Variants in KPNB1 observed in about 807,000 individuals in gnomAD.
KPNB1 encodes the protein karyopherin subunit beta 1.
KPNB1 carries 7 observed loss-of-function variants against 113.0 expected under a neutral mutation model. That is an observed-to-expected ratio of 0.06 (90% confidence interval 0.04 to 0.12). The LOEUF is 0.12. KPNB1 is among the 10% of genes least tolerant of loss of function. The pLI is 1.00. For synonymous variants in KPNB1, 363 were observed against 378.6 expected (o/e 0.96, Z 0.48); for missense variants, 400 against 1,054.8 (o/e 0.38, Z 8.60).
chr17:47,651,291 A>G lies in KPNB1; in HGVS notation c.99+847A>G, dbSNP rs950238385. The G allele has an allele frequency of 5.9e-5, 58 of 985,082 alleles. No individual in the cohort carries two copies. In the African/African-American group the frequency reaches 9.4e-4, roughly 16 times the overall value. The allele number at this position is 985,082 out of a possible 1,614,324, so 61.0% of individuals were successfully genotyped here. Reference sequence around the variant, plus strand: ...GATTGGTTGAAACAGCCTAGATGCCAGTTAAGTTTCTCTTTGGTGTCCATC... The same window carrying G: ...GATTGGTTGAAACAGCCTAGATGCCGGTTAAGTTTCTCTTTGGTGTCCATC... On this transcript the variant is annotated intron_variant, in intron 2 of 21. Transcript: ENST00000290158.
intron 7 of KPNB1, among the ~76,000 whole-genome samples, chr17:47,663,741 T>C (rs1470642273): frequency 6.6e-6 from 1 of 152,090 alleles, no homozygotes; most frequent in Non-Finnish European, 1.5e-5. Context: ...TCCCAGCAGT[T>C]TGGGAGGCTG....
chr17:47,677,288 G>C (rs375786524), intron 17 of KPNB1, among the ~76,000 whole-genome samples, 161 bp downstream of exon 17: 44 of 152,042 alleles, frequency 2.9e-4, no homozygotes, highest in African/African-American at 1.1e-3. Context: ...GGACAACATG[G>C]TGAAACCCCG....
chr17:47,662,750 G>A (rs934739634), intron 6 of KPNB1, among the ~76,000 whole-genome samples: 1 of 151,978 alleles, frequency 6.6e-6, no homozygotes, highest in Non-Finnish European at 1.5e-5. Context: ...GGGCATGGTG[G>A]CGGGCACCTG....
chr17:47,656,525 C>T (rs914753780), intron 3 of KPNB1, among the ~76,000 whole-genome samples: 1 of 149,924 alleles, frequency 6.7e-6, no homozygotes, highest in African/African-American at 2.4e-5. Flanking sequence ...GGACAACTGA[C>T]TGAGGCCTTG....
At chr17:47,650,592 C>T (rs2143073588) in intron 2 of KPNB1, 148 bp downstream of exon 2, 2 of 741,802 alleles carry the variant, frequency 2.7e-6, no homozygotes, top group East Asian at 2.8e-5. Context: ...CAACCCGGTC[C>T]AACCTAACCC....
rs1042373997 is a variant in KPNB1, at chr17:47,649,923, C to T, written c.-322C>T. On this transcript the variant is annotated 5_prime_UTR_variant, in exon 1 of 22. Transcript: ENST00000290158. ...CGCCTTCCTCCCTCCCTCGCTCCCT[C>T]CCTGCGCGCCGCCTCTCACTCACAG... is the stretch of plus-strand genomic sequence containing the variant. The T allele has an allele frequency of 1.7e-5, 22 of 1,279,738 alleles. No homozygotes were observed. The highest frequency in any genetic ancestry group is 2.1e-5 in the Non-Finnish European group (21 of 1,013,948). The allele number at this position is 1,279,738 out of a possible 1,614,324, so 79.3% of individuals were successfully genotyped here.
chr17:47,653,087 T>C (rs1025317895), intron 3 of KPNB1, among the ~76,000 whole-genome samples: 1 of 152,182 alleles, frequency 6.6e-6, no homozygotes, highest in Non-Finnish European at 1.5e-5. Context: ...TTTAGATGAC[T>C]GAGGTAGGCT....
At chr17:47,680,452 A>C in intron 20 of KPNB1, 56 bp from the exon 21 acceptor site, 1 of 1,589,942 alleles carries the variant, frequency 6.3e-7, no homozygotes, top group Non-Finnish European at 8.6e-7. Flanking sequence ...AAGGCTCAAA[A>C]CATTATACTG....
At chr17:47,665,186 T>C (rs1205821770) in intron 9 of KPNB1, 28 bp downstream of exon 9, 1 of 1,548,582 alleles carries the variant, frequency 6.5e-7, no homozygotes, top group African/African-American at 1.4e-5. Context: ...TATAGGTAGG[T>C]AAGCTGTGGA....
chr17:47,652,327 G>C (rs1189561223), intron 2 of KPNB1, among the ~76,000 whole-genome samples: 1 of 152,168 alleles, frequency 6.6e-6, no homozygotes, highest in Non-Finnish European at 1.5e-5. Flanking sequence ...ATTATTAAAA[G>C]TTCTTGGGAC....
intron 8 of KPNB1, 105 bp from the exon 9 acceptor site, chr17:47,664,952 T>C: frequency 3.7e-6 from 3 of 816,836 alleles, no homozygotes; most frequent in Non-Finnish European, 6.3e-6. Context: ...TTTGTCCTTG[T>C]ATGTTTCTGT....
Position 47,678,295 on chromosome 17 carries a change from T to C in KPNB1, c.2248-13T>C, listed in dbSNP as rs138203951. On this transcript the variant is annotated splice_polypyrimidine_tract_variant and intron_variant, in intron 18 of 21. Coordinates refer to ENST00000290158, the MANE Select transcript of KPNB1 (RefSeq NM_002265.6). ...ATCAGTGTGATGTAGGTTCTGTTCT[T>C]TGTGTCTTACAGTCAGACTATGACA... 6.2e-7 allele frequency: 1 copy of C among 1,612,720 alleles called. No individual in the cohort carries two copies.
intron 9 of KPNB1, among the ~76,000 whole-genome samples, chr17:47,667,562 GTTT>G (rs796857460): frequency 7.0e-6 from 1 of 142,782 alleles, no homozygotes; most frequent in African/African-American, 2.6e-5. Context: ...TTAATACTAT[GTTT>G]TTTTTTTTTT....
At chr17:47,664,060 C>T in intron 7 of KPNB1, 99 bp from the exon 8 acceptor site, 1 of 660,480 alleles carries the variant, frequency 1.5e-6, no homozygotes. Flanking sequence ...TTTATAGTTA[C>T]ATTTCTGAAA....
At position 47,670,816 on chromosome 17, in the gene KPNB1, C is replaced by G. The variant is rs1206471768; in HGVS notation, c.1531C>G (p.Leu511Val). The change falls in exon 12 of 22, where the codon CTA becomes GTA. Residue 511 changes from leucine to valine, a missense_variant. Leu to Val is a conservative substitution (Grantham distance 32). Transcript: ENST00000290158. ...ATTTGAACTCATAGTTCAGAAGCTC[C>G]TAGAGACTACAGACAGGTAACTGAT... is the stretch of plus-strand genomic sequence containing the variant. ...SSFELIVQKL[L>V]ETTDRPDGHQ... 1 of 1,608,392 alleles carries G rather than the reference C, an allele frequency of 6.2e-7. No homozygotes were observed. Among genetic ancestry groups the G allele is most frequent in the East Asian group, 2.2e-5 (1 of 44,722 alleles).
chr17:47,657,639 T>C (rs2029946841), intron 4 of KPNB1, among the ~76,000 whole-genome samples: 1 of 152,244 alleles, frequency 6.6e-6, no homozygotes, highest in Non-Finnish European at 1.5e-5. Context: ...TTAAATGCCC[T>C]GAAGCTTTAC....
At chr17:47,661,070 C>T (rs562182561) in intron 5 of KPNB1, 49 bp from the exon 6 acceptor site, 30 of 1,447,812 alleles carry the variant, frequency 2.1e-5, no homozygotes, top group East Asian at 6.8e-5. Context: ...AATCTTCCTA[C>T]GTACAGGTTA....
intron 9 of KPNB1, among the ~76,000 whole-genome samples, chr17:47,666,451 ATTATG>A (rs199911275): frequency 0.026 from 3,697 of 142,726 alleles, 159 homozygotes; most frequent in African/African-American, 0.087. Flanking sequence ...TATTTTATAT[ATTATG>A]TTATATATAT....
intron 9 of KPNB1, among the ~76,000 whole-genome samples, chr17:47,667,626 C>A (rs1597931769): frequency 6.6e-6 from 1 of 151,214 alleles, no homozygotes; most frequent in Non-Finnish European, 1.5e-5. Context: ...GGCACAATCT[C>A]GGCTCACTGC....
Sources: allele counts gnomAD v4.1 joint callset (sites outside exome capture counted in the v4.1 genomes callset), GRCh38; gene constraint gnomAD v4.1.1; transcripts MANE v1.5; gene names NCBI Gene and HGNC (gene_info 2026-07-23, HGNC 2026-07-21).